Variants in NPLOC4 observed in about 807,000 individuals in gnomAD.
NPLOC4 encodes the protein nuclear protein localization protein 4 homolog.
NPLOC4 carries 18 observed loss-of-function variants against 80.6 expected under a neutral mutation model. That is an observed-to-expected ratio of 0.22 (90% CI 0.15 to 0.33). NPLOC4 has a LOEUF of 0.33. NPLOC4 is among the 10% of genes least tolerant of loss of function. The probability of loss-of-function intolerance (pLI) is 1.00; values close to 1 mark genes in which losing one functional copy is unlikely to be tolerated. For synonymous variants in NPLOC4, 313 were observed against 301.5 expected (o/e 1.04, Z -0.39); for missense variants, 540 against 786.1 (o/e 0.69, Z 3.74).
At chr17:81,630,970 C>T (rs942105115) in intron 1 of NPLOC4, among the ~76,000 whole-genome samples, 19 of 151,816 alleles carry the variant, frequency 1.3e-4, no homozygotes, top group African/African-American at 4.4e-4. Context: ...GTCAGGAGTT[C>T]GAGACCAGCC....
intron 10 of NPLOC4, 105 bp from the exon 11 acceptor site, chr17:81,596,347 C>T: frequency 7.7e-7 from 1 of 1,305,574 alleles, no homozygotes; most frequent in Admixed American, 2.1e-5. Context: ...GTGACTCACA[C>T]CTCTAATTCC....
chr17:81,577,563 G>A lies in NPLOC4; in HGVS notation c.1282-5475C>T, dbSNP rs2034335070. On this transcript the variant is annotated intron_variant, in intron 12 of 16. Coordinates refer to ENST00000331134, the MANE Select transcript of NPLOC4 (RefSeq NM_017921.4). This position sits in a 1 kb window ranked among gnomAD's most constrained non-coding sequence, Gnocchi z 4.3. Reference sequence around the variant, plus strand: ...CCACGGCTTGGCTCATCTACTTCTGGGTTAATTTAGGCTTTCTCCACAGAT... The same window carrying A: ...CCACGGCTTGGCTCATCTACTTCTGAGTTAATTTAGGCTTTCTCCACAGAT... Among the ~76,000 whole-genome samples, 1 of 152,040 alleles carries A rather than the reference G, an allele frequency of 6.6e-6. No individual in the cohort carries two copies. Among genetic ancestry groups the A allele is most frequent in the South Asian group, 2.1e-4 (1 of 4,824 alleles).
At chr17:81,602,707 T>A (rs1447663797) in intron 8 of NPLOC4, among the ~76,000 whole-genome samples, 524 of 127,606 alleles carry the variant, frequency 4.1e-3, no homozygotes, top group African/African-American at 0.014. Flanking sequence ...GTCTCAAAAT[T>A]AAAAAAAAAA....
At chr17:81,587,242 G>C (rs958540439) in intron 12 of NPLOC4, among the ~76,000 whole-genome samples, 23 of 152,370 alleles carry the variant, frequency 1.5e-4, no homozygotes, top group Admixed American at 2.6e-4. Flanking sequence ...TGGAGGCTGA[G>C]GCGGGAGGAC....
rs1031470069 is a variant in NPLOC4 at position 81,574,605 on chromosome 17, C to T, written c.1282-2517G>A. ...CACCTGGAGCGAGGCACCAGGAGGT[C>T]GGAGGTTGTGGCCCCAACACCTCGC... On this transcript the variant is annotated intron_variant, in intron 12 of 16. Coordinates refer to ENST00000331134, the MANE Select transcript of NPLOC4 (RefSeq NM_017921.4). 2.6e-5 allele frequency among the ~76,000 whole-genome samples: 4 copies of T among 152,286 alleles called. No homozygotes were observed. The East Asian group carries it at 5.8e-4, about 22-fold the overall frequency.
At chr17:81,585,671 G>C (rs953920853) in intron 12 of NPLOC4, among the ~76,000 whole-genome samples, 9 of 141,788 alleles carry the variant, frequency 6.3e-5, no homozygotes, top group African/African-American at 1.3e-4. Context: ...TGGGGGGGGG[G>C]GGAAAGAAAG....
chr17:81,600,738 TAA>T (rs1168734467), intron 8 of NPLOC4, among the ~76,000 whole-genome samples: 1 of 152,212 alleles, frequency 6.6e-6, no homozygotes, highest in Non-Finnish European at 1.5e-5. Context: ...CTGCCTGTTT[TAA>T]AAGTTCCTTC....
rs779718754 is a variant in NPLOC4 at position 81,629,683 on chromosome 17, G to A, written c.96+42C>T. ...GGTATCGATGGCAGTAAGAGTAGAG[G>A]ATGAAAAATATCCTGAGGGTCAATA... On this transcript the variant is annotated intron_variant, in intron 2 of 16. Coordinates refer to ENST00000331134, the MANE Select transcript of NPLOC4 (RefSeq NM_017921.4). The A allele has an allele frequency of 8.7e-6, 12 of 1,382,750 alleles. No individual in the cohort carries two copies. The South Asian group carries it at 1.3e-4, about 15-fold the overall frequency. 85.7% of individuals were successfully genotyped at this position (1,382,750 alleles called of 1,614,324 possible). A position where few individuals can be genotyped will look rare whatever the true frequency, so the allele number is the denominator to read the frequency against.
chr17:81,559,646 T>C (rs979397009), intron 16 of NPLOC4, among the ~76,000 whole-genome samples: 1 of 151,848 alleles, frequency 6.6e-6, no homozygotes, highest in Admixed American at 6.5e-5. Context: ...CTGTGCTTGC[T>C]GGTTCCTTTT....
At chr17:81,604,432 G>T in intron 8 of NPLOC4, 116 bp downstream of exon 8, 1 of 869,036 alleles carries the variant, frequency 1.2e-6, no homozygotes, top group Non-Finnish European at 1.7e-6. Context: ...ACGTGCACCG[G>T]TGTGTGACAA....
chr17:81,579,833 A>AC (rs2034392402), intron 12 of NPLOC4, among the ~76,000 whole-genome samples: 1 of 150,792 alleles, frequency 6.6e-6, no homozygotes, highest in South Asian at 2.1e-4. Flanking sequence ...TGGCAGTGAA[A>AC]CCCCCCGAAA....
intron 12 of NPLOC4, among the ~76,000 whole-genome samples, chr17:81,579,255 G>A (rs914832456): frequency 6.6e-6 from 1 of 152,224 alleles, no homozygotes; most frequent in African/African-American, 2.4e-5. Context: ...GTGGGCGCCT[G>A]TAATCCCAAG....
chr17:81,569,048 T>C lies in NPLOC4; in HGVS notation c.1417A>G (p.Ile473Val), dbSNP rs370718857. The C allele has an allele frequency of 6.2e-6, 10 of 1,612,698 alleles. No homozygotes were observed. The highest frequency in any genetic ancestry group is 1.1e-5 in the South Asian group (1 of 91,050). ...TFSISQNPFP[I>V]ENRDVLGETQ... is the part of the protein sequence containing the mutation. ...TCACCCAATACATCCCGGTTTTCAA[T>C]AGGAAATGGATTTTGCGAAATAGAA... Residue 473 changes from isoleucine (I) to valine (V), a missense_variant, in exon 14 of 17, where the codon ATT (isoleucine) becomes GTT (valine). Ile to Val is a conservative substitution (Grantham distance 29, BLOSUM62 3). Around this residue, in one of 6 missense-constraint regions of NPLOC4, gnomAD observed 251 missense variants for 377.5 expected, o/e 0.66. Coordinates refer to ENST00000331134, the MANE Select transcript of NPLOC4 (RefSeq NM_017921.4).
At chr17:81,613,211 T>C in intron 4 of NPLOC4, 107 bp downstream of exon 4, 1 of 942,124 alleles carries the variant, frequency 1.1e-6, no homozygotes, top group Non-Finnish European at 1.5e-6. Flanking sequence ...AGACTTAACA[T>C]TTCTTCATCA....
intron 12 of NPLOC4, among the ~76,000 whole-genome samples, chr17:81,574,561 G>T (rs987433508): frequency 6.6e-6 from 1 of 152,206 alleles, no homozygotes; most frequent in African/African-American, 2.4e-5. Flanking sequence ...AGCCGTCAAA[G>T]TGTCAGCAGC....
At chr17:81,622,961 G>A (rs1026891006) in intron 2 of NPLOC4, among the ~76,000 whole-genome samples, 1 of 152,102 alleles carries the variant, frequency 6.6e-6, no homozygotes, top group African/African-American at 2.4e-5. Flanking sequence ...TTGGGAGGAT[G>A]AGGTGGGAGT....
In NPLOC4 at chr17:81,610,889, T is replaced by C; in HGVS notation, c.387-631A>G. Among the ~76,000 whole-genome samples the C allele has an allele frequency of 5.3e-5, 2 of 37,508 alleles. 1 individual carries two copies. The highest frequency in any genetic ancestry group is 2.0e-4 in the Non-Finnish European group (2 of 10,038). 24.6% of individuals were successfully genotyped at this position (37,508 alleles called of 152,430 possible). On this transcript the variant is annotated intron_variant, in intron 4 of 16. Transcript: ENST00000331134. ...ATGGCGTGAACCCGGGAAGCGGAGC[T>C]TGCAGTGAGCCGAGATTGCGCCACT...
At chr17:81,569,893 C>G (rs2034115565) in intron 13 of NPLOC4, among the ~76,000 whole-genome samples, 2 of 152,206 alleles carry the variant, frequency 1.3e-5, no homozygotes, top group Admixed American at 6.5e-5. Context: ...TTCTTCGTGA[C>G]AGACACCCCT....
At chr17:81,632,259 G>A (rs1047545715) in intron 1 of NPLOC4, among the ~76,000 whole-genome samples, 2 of 151,730 alleles carry the variant, frequency 1.3e-5, no homozygotes, top group African/African-American at 4.8e-5. Flanking sequence ...ATAGGCATGA[G>A]CCACCAACCC....
Sources: gnomAD v4.1 joint callset for allele counts (sites outside exome capture counted in the v4.1 genomes callset) on GRCh38, gnomAD v4.1.1 for gene constraint, gnomAD v4.1.1 regional missense constraint, Gnocchi (gnomAD v3.1) non-coding constraint, MANE v1.5 for transcripts, NCBI Gene and HGNC (gene_info 2026-07-23, HGNC 2026-07-21) for gene names.